TENM4: variants seen among roughly 807,000 people sequenced by gnomAD.
TENM4 encodes the protein teneurin transmembrane protein 4.
A neutral mutation model predicts 243.3 loss-of-function variants in TENM4; 82 were observed. The observed-to-expected ratio is 0.34, with a 90% CI of 0.28 to 0.40. The LOEUF is 0.40. Among genes scored for constraint, TENM4 ranks in the 10% least tolerant of loss-of-function variants. The probability of loss-of-function intolerance (pLI) is 1.00; values close to 1 mark genes in which losing one functional copy is unlikely to be tolerated. For missense variants in TENM4, 3,138 were observed against 3,673.3 expected, an observed-to-expected ratio of 0.85 and a Z score of 3.77; for synonymous variants, 1,412 against 1,456.3, an observed-to-expected ratio of 0.97 and a Z score of 0.69.
chr11:79,262,016 A>G (rs1217338209), intron 2 of TENM4, among the ~76,000 whole-genome samples: 1 of 152,142 alleles, frequency 6.6e-6, no homozygotes, highest in Non-Finnish European at 1.5e-5. Flanking sequence ...AGCCTTCGGG[A>G]TAGATTACTT....
chr11:79,439,921 G>A (rs887226417), intron 1 of TENM4, among the ~76,000 whole-genome samples: 2 of 152,060 alleles, frequency 1.3e-5, no homozygotes, highest in African/African-American at 4.8e-5. Flanking sequence ...ACCGCGGCCG[G>A]GCGCCCGGTG....
intron 18 of TENM4, 105 bp from the exon 19 acceptor site, chr11:78,757,126 A>G (rs534344205): frequency 2.4e-6 from 3 of 1,242,528 alleles, no homozygotes; most frequent in African/African-American, 3.0e-5. Context: ...TCATTCAAAA[A>G]CTTTATTAAA....
chr11:78,857,660 T>C (rs1294126720), intron 10 of TENM4, among the ~76,000 whole-genome samples: 1 of 152,264 alleles, frequency 6.6e-6, no homozygotes, highest in Non-Finnish European at 1.5e-5. Flanking sequence ...ACTAGTATTC[T>C]GTCATTAGCA....
At position 78,890,017 on chromosome 11, in the gene TENM4, G is replaced by A; in HGVS notation, c.852C>T (p.His284=). Residue 284 remains histidine (H), a synonymous_variant, in exon 9 of 34, where the codon CAC becomes CAT. Coordinates refer to ENST00000278550, the MANE Select transcript of TENM4 (RefSeq NM_001098816.3). ...SRHDGAYSDG[H]FLFKPGGTSP... is the part of the protein sequence containing the mutation. ...AGGTGCCTCCAGGCTTGAAGAGGAA[G>A]TGCCTGCAGATGGAGAGCAGCAAGA... 6.5e-7 allele frequency: 1 copy of A among 1,535,242 alleles called. No individual in the cohort carries two copies. The highest frequency in any genetic ancestry group is 1.4e-5 in the African/African-American group (1 of 72,890).
At chr11:78,740,203 A>G (rs906688996) in intron 19 of TENM4, among the ~76,000 whole-genome samples, 1 of 152,224 alleles carries the variant, frequency 6.6e-6, no homozygotes, top group East Asian at 1.9e-4. Flanking sequence ...TGCCGTATGA[A>G]GTACCCACAC....
chr11:79,104,248 AAAGC>A (rs1422483823), intron 4 of TENM4, among the ~76,000 whole-genome samples: 1 of 152,212 alleles, frequency 6.6e-6, no homozygotes, highest in Non-Finnish European at 1.5e-5. Flanking sequence ...AAGCTTCTGA[AAAGC>A]AAGGATTTTG....
At chr11:78,754,662 C>G (rs1398039308) in intron 19 of TENM4, among the ~76,000 whole-genome samples, 3 of 152,182 alleles carry the variant, frequency 2.0e-5, no homozygotes, top group African/African-American at 7.2e-5. Flanking sequence ...CATACAAAAT[C>G]ACACAACTGA....
At position 78,653,360 on chromosome 11, in the gene TENM4, T is replaced by C. The variant is rs1857816085; in HGVS notation, c.*4698A>G. ...GGTTTTGTTTTTATGCTTTTTTTTT[T>C]CTAGAAGGTATCTACATCTGCATTT... On this transcript the variant is annotated 3_prime_UTR_variant, in exon 34 of 34. Coordinates refer to ENST00000278550, the MANE Select transcript of TENM4 (RefSeq NM_001098816.3). 6.6e-6 allele frequency: 1 copy of C among 152,096 alleles called. No individual in the cohort carries two copies. The highest frequency in any genetic ancestry group is 6.5e-5 in the Admixed American group (1 of 15,286). 9.4% of individuals were successfully genotyped at this position (152,096 alleles called of 1,614,324 possible).
At chr11:78,662,191 TTTC>T (rs1232666145) in intron 32 of TENM4, among the ~76,000 whole-genome samples, 1 of 151,138 alleles carries the variant, frequency 6.6e-6, no homozygotes, top group Non-Finnish European at 1.5e-5. Flanking sequence ...CTTCATTTTC[TTTC>T]TTTTTTTTTT....
chr11:78,965,155 A>G (rs111682012), intron 6 of TENM4, among the ~76,000 whole-genome samples: 5,223 of 152,222 alleles, frequency 0.034, 142 homozygotes, highest in African/African-American at 0.077. Flanking sequence ...GGGGTGAGCC[A>G]CCACGCCCGG....
chr11:79,301,213 A>T (rs531284468), intron 1 of TENM4, among the ~76,000 whole-genome samples: 1 of 152,306 alleles, frequency 6.6e-6, no homozygotes, highest in South Asian at 2.1e-4. Flanking sequence ...TATTCTACTA[A>T]AGATAAAATC....
chr11:79,437,528 G>A (rs1859299214), intron 1 of TENM4, among the ~76,000 whole-genome samples: 2 of 152,168 alleles, frequency 1.3e-5, no homozygotes, highest in South Asian at 4.1e-4. Context: ...CCACCCGGCC[G>A]CCCCGCTGGT....
chr11:79,060,971 G>A (rs900680229), intron 6 of TENM4, among the ~76,000 whole-genome samples: 9 of 152,150 alleles, frequency 5.9e-5, no homozygotes, highest in Admixed American at 2.0e-4. Flanking sequence ...GGGGCCCAGG[G>A]GTTTGTTGAG....
intron 1 of TENM4, among the ~76,000 whole-genome samples, chr11:79,300,114 CTG>C (rs1178272388): frequency 6.6e-5 from 10 of 152,186 alleles, no homozygotes; most frequent in Non-Finnish European, 1.3e-4. Flanking sequence ...CTTGCAGACT[CTG>C]TTACACTGCA....
At chr11:79,267,923 C>A (rs1357699503) in intron 2 of TENM4, among the ~76,000 whole-genome samples, 3 of 152,208 alleles carry the variant, frequency 2.0e-5, no homozygotes, top group African/African-American at 7.2e-5. Flanking sequence ...CCAAAACAAT[C>A]TAACATCCTG....
intron 15 of TENM4, among the ~76,000 whole-genome samples, chr11:78,803,035 C>CT (rs1203400554): frequency 0.028 from 4,007 of 143,960 alleles, 150 homozygotes; most frequent in African/African-American, 0.089. Flanking sequence ...TTTTTCTTTT[C>CT]TTTTTTTTTT....
Position 78,697,235 on chromosome 11 carries a change from ACCAGCCATC to A in TENM4, c.5087+4282_5087+4290del, listed in dbSNP as rs1311342743. Among the ~76,000 whole-genome samples the A allele has an allele frequency of 2.0e-5, 3 of 152,190 alleles. No individual in the cohort carries two copies. The East Asian group carries it at 5.8e-4, about 29-fold the overall frequency. On this transcript the variant is annotated intron_variant, in intron 28 of 33. Coordinates refer to ENST00000278550, the MANE Select transcript of TENM4 (RefSeq NM_001098816.3). ...GTACACACTTAGCCTTTGTAAATTC[ACCAGCCATC>A]CCAGCTGAACTCTTTCTCCCCGGAG...
At chr11:78,993,097 G>T (rs1858085399) in intron 6 of TENM4, among the ~76,000 whole-genome samples, 1 of 152,116 alleles carries the variant, frequency 6.6e-6, no homozygotes, top group Non-Finnish European at 1.5e-5. Context: ...GCAACATGTT[G>T]TGATATGCCG....
At chr11:78,708,584 C>T (rs1859315724) in intron 26 of TENM4, 69 bp from the exon 27 acceptor site, 1 of 1,545,596 alleles carries the variant, frequency 6.5e-7, no homozygotes, top group Non-Finnish European at 8.8e-7. Context: ...TTCCTGGAGC[C>T]TTGCTAACTG....
Sources: allele counts gnomAD v4.1 joint callset (sites outside exome capture counted in the v4.1 genomes callset), GRCh38; gene constraint gnomAD v4.1.1; transcripts MANE v1.5; gene names NCBI Gene and HGNC (gene_info 2026-07-23, HGNC 2026-07-21).